CTNNA3: variants seen among roughly 807,000 people sequenced by gnomAD.
CTNNA3 encodes catenin alpha 3, also known as catenin alpha-3.
A neutral mutation model predicts 95.7 loss-of-function variants in CTNNA3; 76 were observed. That is an observed-to-expected ratio of 0.79 (90% CI 0.66 to 0.96). The LOEUF (loss-of-function observed/expected upper bound fraction) is 0.96. Among genes scored for constraint, CTNNA3 ranks in the 40% least tolerant of loss-of-function variants. The pLI, the probability that CTNNA3 is intolerant of heterozygous loss-of-function variation, is 0.00. For synonymous variants in CTNNA3, 431 were observed against 374.4 expected (o/e 1.15, Z -1.74); for missense variants, 1,191 against 1,089.8 (o/e 1.09, Z -1.31).
chr10:67,106,945 C>T (rs1858670594), intron 7 of CTNNA3, among the ~76,000 whole-genome samples: 1 of 152,112 alleles, frequency 6.6e-6, no homozygotes, highest in Non-Finnish European at 1.5e-5. Flanking sequence ...CATCCATATT[C>T]AACAGAAATA....
At chr10:67,358,867 C>T (rs2132663930) in intron 5 of CTNNA3, among the ~76,000 whole-genome samples, 1 of 152,128 alleles carries the variant, frequency 6.6e-6, no homozygotes, top group Admixed American at 6.6e-5. Context: ...CCCCCAAGGC[C>T]CCAGAATGGA....
rs181889483 is a variant in CTNNA3 at position 66,571,232 on chromosome 10, A to C, written c.1375-50459T>G. Among the ~76,000 whole-genome samples the C allele has an allele frequency of 4.7e-3, 714 of 152,298 alleles. 4 individuals are homozygous for C. Among genetic ancestry groups the C allele is most frequent in the Non-Finnish European group, 7.5e-3 (509 of 68,034 alleles). On this transcript the variant is annotated intron_variant, in intron 10 of 17. Coordinates refer to ENST00000433211, the MANE Select transcript of CTNNA3 (RefSeq NM_013266.4). ...ACTTTCTGATGCATTAGCAGATTCT[A>C]CCTTTAATATAGTCATATGTGTAGG...
At chr10:66,867,062 A>G (rs1844208287) in intron 7 of CTNNA3, among the ~76,000 whole-genome samples, 1 of 151,170 alleles carries the variant, frequency 6.6e-6, no homozygotes, top group Non-Finnish European at 1.5e-5. Context: ...TGTGCCTTTC[A>G]CCTTCTCACA....
intron 17 of CTNNA3, among the ~76,000 whole-genome samples, chr10:65,962,699 C>T (rs1163178705): frequency 6.6e-6 from 1 of 151,778 alleles, no homozygotes; most frequent in African/African-American, 2.4e-5. Flanking sequence ...AATGTGATCC[C>T]TCCCCTAGCC....
chr10:67,544,948 T>C (rs1389751902), intron 3 of CTNNA3, among the ~76,000 whole-genome samples: 1 of 152,090 alleles, frequency 6.6e-6, no homozygotes, highest in Admixed American at 6.6e-5. Context: ...AATGATTTAA[T>C]GAAAATGGAA....
intron 5 of CTNNA3, among the ~76,000 whole-genome samples, chr10:67,342,678 C>G (rs1842255698): frequency 6.6e-6 from 1 of 152,178 alleles, no homozygotes; most frequent in African/African-American, 2.4e-5. Context: ...TTCCCAGCAG[C>G]ATTTATTGAA....
intron 7 of CTNNA3, among the ~76,000 whole-genome samples, chr10:66,851,673 C>T: frequency 6.6e-6 from 1 of 150,836 alleles, no homozygotes; most frequent in Non-Finnish European, 1.5e-5. Flanking sequence ...CACACACACG[C>T]CATGTGATAT....
intron 7 of CTNNA3, among the ~76,000 whole-genome samples, chr10:67,178,059 T>A (rs1452893633): frequency 6.6e-6 from 1 of 152,156 alleles, no homozygotes; most frequent in Non-Finnish European, 1.5e-5. Flanking sequence ...AATGCAGCAA[T>A]GAAGCACATG....
intron 11 of CTNNA3, among the ~76,000 whole-genome samples, chr10:66,471,570 A>C (rs1839133818): frequency 6.6e-6 from 1 of 151,708 alleles, no homozygotes; most frequent in Admixed American, 6.6e-5. Flanking sequence ...CCAGTGAATT[A>C]AATACAGCTT....
intron 7 of CTNNA3, among the ~76,000 whole-genome samples, chr10:67,083,656 G>A (rs1211657974): frequency 6.6e-6 from 1 of 152,152 alleles, no homozygotes; most frequent in East Asian, 1.9e-4. Flanking sequence ...CATGTATTAA[G>A]CAACCATGTG....
chr10:66,934,370 C>T (rs1325362234), intron 7 of CTNNA3, among the ~76,000 whole-genome samples: 3 of 151,968 alleles, frequency 2.0e-5, no homozygotes, highest in African/African-American at 7.2e-5. Flanking sequence ...TCTGTAATTC[C>T]TATATCACCA....
upstream of CTNNA3, among the ~76,000 whole-genome samples, chr10:67,700,585 C>A (rs1043622986): frequency 3.9e-5 from 6 of 152,146 alleles, no homozygotes; most frequent in Non-Finnish European, 7.3e-5. Context: ...AGAAGGAAAA[C>A]TAACAAACAG....
intron 12 of CTNNA3, among the ~76,000 whole-genome samples, chr10:66,320,010 A>G (rs1344038585): frequency 6.6e-6 from 1 of 152,124 alleles, no homozygotes; most frequent in Non-Finnish European, 1.5e-5. Context: ...ATGCAGCTCC[A>G]GTAATAAAGC....
intron 7 of CTNNA3, among the ~76,000 whole-genome samples, chr10:66,906,408 A>C (rs1316699617): frequency 6.6e-6 from 1 of 152,150 alleles, no homozygotes; most frequent in African/African-American, 2.4e-5. Flanking sequence ...CAACATCCAA[A>C]AGTGGGAAAT....
intron 13 of CTNNA3, among the ~76,000 whole-genome samples, chr10:66,130,792 G>A (rs1197167889): frequency 6.6e-6 from 1 of 150,486 alleles, no homozygotes; most frequent in Admixed American, 6.6e-5. Flanking sequence ...GGAGGTGGAG[G>A]TTGCAGTAAG....
intron 10 of CTNNA3, among the ~76,000 whole-genome samples, chr10:66,591,677 A>G (rs1843555773): frequency 6.6e-6 from 1 of 152,046 alleles, no homozygotes; most frequent in African/African-American, 2.4e-5. Flanking sequence ...TGCAGCAATA[A>G]TATTCCCACA....
chr10:66,454,184 T>A (rs1483356065), intron 11 of CTNNA3, among the ~76,000 whole-genome samples: 3 of 152,182 alleles, frequency 2.0e-5, no homozygotes. Flanking sequence ...AACACAGCCT[T>A]GCTGACACCT....
chr10:66,163,381 C>G (rs1272039526), intron 13 of CTNNA3, among the ~76,000 whole-genome samples: 1 of 152,124 alleles, frequency 6.6e-6, no homozygotes, highest in Non-Finnish European at 1.5e-5. Flanking sequence ...CTCCCAGGGC[C>G]TTTCTGCTGC....
chr10:66,670,321 CT>C (rs1288337958), intron 9 of CTNNA3, among the ~76,000 whole-genome samples: 1 of 152,156 alleles, frequency 6.6e-6, no homozygotes, highest in African/African-American at 2.4e-5. Flanking sequence ...AGCCTGGGCT[CT>C]TATTTGAAGG....
Sources: allele counts gnomAD v4.1 joint callset (sites outside exome capture counted in the v4.1 genomes callset), GRCh38; gene constraint gnomAD v4.1.1; transcripts MANE v1.5; gene names NCBI Gene and HGNC (gene_info 2026-07-23, HGNC 2026-07-21).